POLN: variants seen among roughly 807,000 people sequenced by gnomAD.
POLN encodes the protein DNA polymerase N.
Under a neutral mutation model 113.5 loss-of-function variants are expected in POLN, and 108 were observed. The observed-to-expected ratio is 0.95, with a 90% CI of 0.81 to 1.12. The LOEUF is 1.12. Ranked by LOEUF, POLN falls within the 50% of genes most tolerant of loss-of-function variation. The pLI, the probability that POLN is intolerant of heterozygous loss-of-function variation, is 0.00. For missense variants in POLN, 1,097 were observed against 1,077.1 expected (o/e 1.02, Z -0.26); for synonymous variants, 386 against 391.5 (o/e 0.99, Z 0.17).
intron 19 of POLN, among the ~76,000 whole-genome samples, chr4:2,117,888 G>A (rs529628121): frequency 2.0e-5 from 3 of 152,352 alleles, no homozygotes; most frequent in South Asian, 2.1e-4. Flanking sequence ...GGGAATGAGC[G>A]TATTTCCCAG....
intron 14 of POLN, among the ~76,000 whole-genome samples, chr4:2,158,717 T>G (rs897486595): frequency 3.9e-5 from 6 of 152,128 alleles, no homozygotes; most frequent in African/African-American, 1.4e-4. Flanking sequence ...AGAAAGGGAA[T>G]CACCAGGGGA....
chr4:2,166,072 T>C lies in POLN; in HGVS notation c.1554+4607A>G, dbSNP rs905730934. Among the ~76,000 whole-genome samples, 7 of 152,196 alleles carry C rather than the reference T, an allele frequency of 4.6e-5. 1 individual carries two copies. In the South Asian group the frequency reaches 6.2e-4, roughly 14 times the overall value. The stretch of plus-strand genomic sequence containing the variant: ...GATTATAGGTGTGAGCCACCATACA[T>C]GGCCATTAAAGTCTATTTTTAAAAA... On this transcript the variant is annotated intron_variant, in intron 13 of 25. Coordinates refer to ENST00000511885, the MANE Select transcript of POLN (RefSeq NM_181808.4).
At chr4:2,085,936 T>C (rs1327141935) in intron 20 of POLN, among the ~76,000 whole-genome samples, 192 bp from the exon 21 acceptor site, 1 of 152,196 alleles carries the variant, frequency 6.6e-6, no homozygotes, top group African/African-American at 2.4e-5. Context: ...CATGTATTTA[T>C]TCAGTGATAC....
At chr4:2,135,245 C>A (rs1488379208) in intron 16 of POLN, among the ~76,000 whole-genome samples, 6 of 152,150 alleles carry the variant, frequency 3.9e-5, no homozygotes, top group Non-Finnish European at 7.3e-5. Flanking sequence ...CAGCCTCACT[C>A]ATGGCAGAGT....
At chr4:2,170,619 C>T in intron 13 of POLN, 60 bp downstream of exon 13, 8 of 1,460,878 alleles carry the variant, frequency 5.5e-6, no homozygotes, top group Non-Finnish European at 7.6e-6. Flanking sequence ...AAGGTCAGCA[C>T]ACATGTGGTG....
intron 19 of POLN, among the ~76,000 whole-genome samples, chr4:2,107,925 T>C (rs193063773): frequency 2.6e-5 from 4 of 152,352 alleles, no homozygotes; most frequent in Admixed American, 2.0e-4. Context: ...AGCCAGGCAC[T>C]GGGCCATTGC....
chr4:2,213,799 AG>A (rs1376829939), intron 3 of POLN, among the ~76,000 whole-genome samples: 3 of 152,258 alleles, frequency 2.0e-5, no homozygotes, highest in Non-Finnish European at 4.4e-5. Flanking sequence ...GCATAAAAAA[AG>A]ATCTGTACAA....
intron 6 of POLN, among the ~76,000 whole-genome samples, chr4:2,197,713 T>A (rs1045708625): frequency 1.3e-5 from 2 of 152,202 alleles, no homozygotes; most frequent in African/African-American, 4.8e-5. Context: ...ATGCTATGTT[T>A]GTCACACATT....
At chr4:2,140,267 G>A (rs931345861) in intron 16 of POLN, among the ~76,000 whole-genome samples, 1 of 151,896 alleles carries the variant, frequency 6.6e-6, no homozygotes, top group African/African-American at 2.4e-5. Flanking sequence ...TAGTAGAGAC[G>A]GGGGTTTCAC....
At chr4:2,216,487 G>A (rs919321338) in intron 3 of POLN, among the ~76,000 whole-genome samples, 2 of 152,180 alleles carry the variant, frequency 1.3e-5, no homozygotes, top group Non-Finnish European at 2.9e-5. Flanking sequence ...GGCTGCACAC[G>A]AGGTGAGCTG....
intron 25 of POLN, 89 bp from the exon 26 acceptor site, chr4:2,072,388 A>G (rs1730169131): frequency 8.8e-7 from 1 of 1,132,808 alleles, no homozygotes; most frequent in East Asian, 2.6e-5. Flanking sequence ...CAGGGCCTAC[A>G]GCACACAGGT....
At chr4:2,207,664 A>T (rs891307885) in intron 5 of POLN, among the ~76,000 whole-genome samples, 7 of 152,224 alleles carry the variant, frequency 4.6e-5, no homozygotes, top group African/African-American at 1.7e-4. Context: ...AGGGAAATAC[A>T]ATTTAAAACC....
At chr4:2,094,959 C>T (rs1730749744) in intron 20 of POLN, among the ~76,000 whole-genome samples, 1 of 152,130 alleles carries the variant, frequency 6.6e-6, no homozygotes, top group South Asian at 2.1e-4. Flanking sequence ...GGTCTTTGCA[C>T]AAGCCCTGCT....
chr4:2,175,548 C>T (rs913438247), intron 9 of POLN, among the ~76,000 whole-genome samples: 3 of 152,204 alleles, frequency 2.0e-5, no homozygotes, highest in Non-Finnish European at 4.4e-5. Context: ...AGGCCACCTC[C>T]CCTGAGAGCA....
chr4:2,234,084 C>T (rs1356756977), intron 2 of POLN, among the ~76,000 whole-genome samples: 1 of 152,038 alleles, frequency 6.6e-6, no homozygotes, highest in African/African-American at 2.4e-5. Context: ...TCAAAATACC[C>T]AGTAACAATA....
At chr4:2,184,251 A>AG (rs1733218576) in intron 7 of POLN, among the ~76,000 whole-genome samples, 1 of 86,454 alleles carries the variant, frequency 1.2e-5, no homozygotes, top group African/African-American at 1.0e-4. Context: ...ACTAGACTTT[A>AG]AAAAAAAAAA....
intron 2 of POLN, chr4:2,231,978 C>T (rs746834653): frequency 2.0e-6 from 3 of 1,482,494 alleles, no homozygotes; most frequent in Non-Finnish European, 2.8e-6. Flanking sequence ...CTAAATTCTC[C>T]ACAATATCTT....
chr4:2,075,639 G>A (rs1730257552), intron 23 of POLN, 120 bp from the exon 24 acceptor site: 4 of 1,042,114 alleles, frequency 3.8e-6, no homozygotes, highest in Admixed American at 3.7e-5. Context: ...GGGCTCAGGG[G>A]TGCATGCAGA....
At position 2,095,890 on chromosome 4, in the gene POLN, G is replaced by A. The variant is rs1730777799; in HGVS notation, c.2026C>T (p.Gln676Ter). The change falls in exon 20 of 26, where the codon CAA becomes TAA. Residue 676 changes from glutamine to a stop codon, truncating the protein, a stop_gained. Coordinates refer to ENST00000511885, the MANE Select transcript of POLN (RefSeq NM_181808.4). LOFTEE classifies it high-confidence loss of function. ...VEQVTHADREQTKKVVYAVVY... is the reference protein window; with the variant it reads ...VEQVTHADRE The stretch of plus-strand genomic sequence containing the variant: ...ACCGCGTACACCACCTTCTTGGTTT[G>A]CTCTCTGTCTGCGTGTGTCACCTGT... 8.7e-6 allele frequency: 14 copies of A among 1,614,098 alleles called. No individual in the cohort carries two copies. The highest frequency in any genetic ancestry group is 1.3e-5 in the African/African-American group (1 of 75,004).
Sources: gnomAD v4.1 joint callset for allele counts (sites outside exome capture counted in the v4.1 genomes callset) on GRCh38, gnomAD v4.1.1 for gene constraint, MANE v1.5 for transcripts, NCBI Gene and HGNC (gene_info 2026-07-23, HGNC 2026-07-21) for gene names.